ARHGEF10: variants seen among roughly 807,000 people sequenced by gnomAD.
ARHGEF10 encodes Rho guanine nucleotide exchange factor 10, also known as Rho guanine nucleotide exchange factor (GEF) 10.
A neutral mutation model predicts 147.4 loss-of-function variants in ARHGEF10; 140 were observed. The observed-to-expected ratio is 0.95, with a 90% CI of 0.83 to 1.09. The LOEUF is 1.09. ARHGEF10 is among the 50% of genes least tolerant of loss of function. The pLI, the probability that ARHGEF10 is intolerant of heterozygous loss-of-function variation, is 0.00. For missense variants in ARHGEF10, 2,222 were observed against 1,752.7 expected, an observed-to-expected ratio of 1.27 and a Z score of -4.78; for synonymous variants, 902 against 695.8, an observed-to-expected ratio of 1.30 and a Z score of -4.67.
rs150276005 is a variant in ARHGEF10 at position 1,933,891 on chromosome 8, G to A, written c.3171G>A (p.Ala1057=). ...TCATGATGGAAGACACGTTGTGGGC[G>A]GCTTCCGGAGGTCAAGTCTTCATCA... ...SLLMMEDTLW[A]ASGGQVFIIS... Residue 1057 remains alanine (A), a synonymous_variant, in exon 26 of 29, where the codon GCG becomes GCA. Coordinates refer to ENST00000349830, the MANE Select transcript of ARHGEF10 (RefSeq NM_014629.4). 8.0e-5 allele frequency: 129 copies of A among 1,614,180 alleles called. No individual in the cohort carries two copies. The highest frequency in any genetic ancestry group is 3.3e-4 in the Middle Eastern group (2 of 6,062).
At position 1,923,758 on chromosome 8, in the gene ARHGEF10, C is replaced by T. The variant is rs1263380175; in HGVS notation, c.2388-16C>T. 6.2e-7 allele frequency: 1 copy of T among 1,614,138 alleles called. No individual in the cohort carries two copies. Among genetic ancestry groups the T allele is most frequent in the Non-Finnish European group, 8.5e-7 (1 of 1,179,968 alleles). On this transcript the variant is annotated splice_polypyrimidine_tract_variant and intron_variant, in intron 20 of 28. Coordinates refer to ENST00000349830, the MANE Select transcript of ARHGEF10 (RefSeq NM_014629.4). ...CACGTTTTATAAAATGAATGCTTGT[C>T]TGTTGTTTCTGGCAGATCTGGGCGA...
chr8:1,885,825 G>A (rs532898156), intron 11 of ARHGEF10, 118 bp downstream of exon 11: 6 of 815,788 alleles, frequency 7.4e-6, no homozygotes, highest in African/African-American at 1.7e-5. Flanking sequence ...GCATCCACTC[G>A]GGCCCTCCAC....
At chr8:1,875,016 G>A (rs1477871267) in intron 7 of ARHGEF10, among the ~76,000 whole-genome samples, 1 of 34,140 alleles carries the variant, frequency 2.9e-5, no homozygotes, top group African/African-American at 1.1e-4. Flanking sequence ...ACACACCAGG[G>A]CGTGTAGGGG....
chr8:1,917,092 C>T (rs902238778), intron 18 of ARHGEF10, among the ~76,000 whole-genome samples: 13 of 152,250 alleles, frequency 8.5e-5, no homozygotes, highest in African/African-American at 3.1e-4. Context: ...TACTAGACCA[C>T]TACGAACAGT....
intron 18 of ARHGEF10, among the ~76,000 whole-genome samples, chr8:1,921,950 T>C (rs141871059): frequency 1.6e-4 from 25 of 152,204 alleles, no homozygotes; most frequent in Non-Finnish European, 3.4e-4. Context: ...TTTTTTGACC[T>C]TAGACAATTT....
At chr8:1,917,541 C>A (rs1484796211) in intron 18 of ARHGEF10, among the ~76,000 whole-genome samples, 1 of 152,152 alleles carries the variant, frequency 6.6e-6, no homozygotes, top group Non-Finnish European at 1.5e-5. Context: ...AATTCTGTTT[C>A]ACTGACAGAC....
rs1437193530 is a variant in ARHGEF10, at chr8:1,958,147, G to A, written c.*884G>A. ...CGTGCAGCTTCTTGCCCCTGTTGAC[G>A]TGGAATGCTGTGTCTGCTTTAGCAC... On this transcript the variant is annotated 3_prime_UTR_variant, in exon 29 of 29. Transcript: ENST00000349830. 6.6e-6 allele frequency: 1 copy of A among 152,240 alleles called. No individual in the cohort carries two copies. The highest frequency in any genetic ancestry group is 2.4e-5 in the African/African-American group (1 of 41,454). The allele number at this position is 152,240 out of a possible 1,614,324, so 9.4% of individuals were successfully genotyped here.
At chr8:1,864,905 T>C (rs952771971) in intron 5 of ARHGEF10, among the ~76,000 whole-genome samples, 1 of 152,250 alleles carries the variant, frequency 6.6e-6, no homozygotes, top group Non-Finnish European at 1.5e-5. Flanking sequence ...GCAGATTTTA[T>C]GTAAAATTAA....
At chr8:1,905,800 C>G in intron 17 of ARHGEF10, 84 bp downstream of exon 17, 1 of 1,555,950 alleles carries the variant, frequency 6.4e-7, no homozygotes, top group South Asian at 1.1e-5. Flanking sequence ...TTTGTTAATT[C>G]TGTCACTCAG....
At chr8:1,829,166 C>G (rs1034928458) in intron 1 of ARHGEF10, among the ~76,000 whole-genome samples, 13 of 152,140 alleles carry the variant, frequency 8.5e-5, no homozygotes, top group African/African-American at 3.1e-4. Flanking sequence ...GCTGAGTCGT[C>G]CCGACAGGAT....
At chr8:1,944,512 G>A (rs1355603497) in intron 26 of ARHGEF10, among the ~76,000 whole-genome samples, 4 of 152,236 alleles carry the variant, frequency 2.6e-5, no homozygotes, top group African/African-American at 7.2e-5. Context: ...TTGGTGCCAC[G>A]GGGCATGTGT....
chr8:1,922,233 C>T (rs1313642416), intron 18 of ARHGEF10, among the ~76,000 whole-genome samples: 1 of 150,982 alleles, frequency 6.6e-6, no homozygotes, highest in Non-Finnish European at 1.5e-5. Flanking sequence ...GTTCCTCTAA[C>T]CCAAGTCATC....
chr8:1,931,512 C>T (rs183544212), intron 25 of ARHGEF10, among the ~76,000 whole-genome samples: 1 of 152,136 alleles, frequency 6.6e-6, no homozygotes, highest in Non-Finnish European at 1.5e-5. Context: ...CTGAACGTGT[C>T]TCTTCGCATC....
At chr8:1,947,717 C>T (rs1357432596) in intron 27 of ARHGEF10, among the ~76,000 whole-genome samples, 2 of 148,494 alleles carry the variant, frequency 1.3e-5, no homozygotes, top group South Asian at 2.2e-4. Flanking sequence ...CCCAGCATCC[C>T]ACCCACTGTC....
intron 1 of ARHGEF10, among the ~76,000 whole-genome samples, chr8:1,839,073 T>C (rs2129045727): frequency 6.6e-6 from 1 of 151,974 alleles, no homozygotes; most frequent in South Asian, 2.1e-4. Flanking sequence ...ATATGGGGAC[T>C]GTCTGGTGTG....
chr8:1,827,586 G>GT (rs2129030458), intron 1 of ARHGEF10, among the ~76,000 whole-genome samples: 1 of 152,318 alleles, frequency 6.6e-6, no homozygotes, highest in South Asian at 2.1e-4. Context: ...GATTACAGGC[G>GT]TGAGCCACTG....
chr8:1,917,298 G>C (rs1811831348), intron 18 of ARHGEF10, among the ~76,000 whole-genome samples: 1 of 152,140 alleles, frequency 6.6e-6, no homozygotes, highest in Admixed American at 6.5e-5. Context: ...TTTATGATTT[G>C]ATTTGTGAAA....
intron 26 of ARHGEF10, among the ~76,000 whole-genome samples, chr8:1,941,943 C>G (rs113793489): frequency 2.6e-5 from 4 of 152,120 alleles, no homozygotes; most frequent in African/African-American, 9.7e-5. Flanking sequence ...TGGACCCCTG[C>G]CTCACACCAC....
At chr8:1,881,940 T>A (rs1320532718) in intron 9 of ARHGEF10, among the ~76,000 whole-genome samples, 2 of 152,162 alleles carry the variant, frequency 1.3e-5, no homozygotes, top group Non-Finnish European at 2.9e-5. Context: ...TTTTAAGGAA[T>A]AAGAAATCAG....
Sources: allele counts gnomAD v4.1 joint callset (sites outside exome capture counted in the v4.1 genomes callset), GRCh38; gene constraint gnomAD v4.1.1; transcripts MANE v1.5; gene names NCBI Gene and HGNC (gene_info 2026-07-23, HGNC 2026-07-21).